Variants in ALMS1 observed in about 807,000 individuals in gnomAD.
The protein encoded by ALMS1 is ALMS1 centrosome and basal body associated protein, also known as centrosome-associated protein ALMS1.
Under a neutral mutation model 352.2 loss-of-function variants are expected in ALMS1, and 271 were observed. That is an observed-to-expected ratio of 0.77 (90% CI 0.70 to 0.85). The LOEUF (loss-of-function observed/expected upper bound fraction) is 0.85, where lower values mean the gene tolerates loss of function less well. ALMS1 is among the 40% of genes least tolerant of loss of function. ALMS1 has a pLI of 0.00. For synonymous variants in ALMS1, 1,865 were observed against 1,761.2 expected (o/e 1.06, Z -1.48); for missense variants, 5,445 against 4,870.7 (o/e 1.12, Z -3.51).
At chr2:73,543,391 T>A (rs1280446315) in intron 12 of ALMS1, among the ~76,000 whole-genome samples, 1 of 152,184 alleles carries the variant, frequency 6.6e-6, no homozygotes, top group Non-Finnish European at 1.5e-5. Context: ...ACTTACATGT[T>A]AGACCTAAAA....
chr2:73,455,565 G>A (rs571389444), intron 9 of ALMS1, among the ~76,000 whole-genome samples: 5 of 152,150 alleles, frequency 3.3e-5, no homozygotes, highest in East Asian at 3.9e-4. Context: ...CGCCCTGCTC[G>A]GCTAATTTTT....
At chr2:73,479,937 T>C (rs980301690) in intron 9 of ALMS1, among the ~76,000 whole-genome samples, 5 of 152,276 alleles carry the variant, frequency 3.3e-5, no homozygotes, top group Admixed American at 6.5e-5. Context: ...TGGTATCTTA[T>C]TAAGTTTTTA....
intron 13 of ALMS1, among the ~76,000 whole-genome samples, chr2:73,556,413 G>T (rs1674542952): frequency 6.6e-6 from 1 of 152,036 alleles, no homozygotes; most frequent in African/African-American, 2.4e-5. Flanking sequence ...GTAGAAAAGA[G>T]AAATAGTATT....
At position 73,572,649 on chromosome 2, in the gene ALMS1, C is replaced by A. The variant is rs773091397; in HGVS notation, c.10772C>A (p.Thr3591Lys). 5.0e-6 allele frequency: 8 copies of A among 1,612,926 alleles called. No individual in the cohort carries two copies. The African/African-American group carries it at 6.7e-5, about 13-fold the overall frequency. ...QRDQKVTPEQ[T>K]TQHTVSLNEL... ...GATCAGAAGGTCACCCCAGAGCAAA[C>A]AACTCAGCACACTGTGAGTTTGAAT... Residue 3591 changes from threonine to lysine, a missense_variant, in exon 16 of 23, where the codon ACA becomes AAA. Transcript: ENST00000613296.
chr2:73,567,143 T>A (rs767867122), intron 15 of ALMS1, among the ~76,000 whole-genome samples: 1 of 152,216 alleles, frequency 6.6e-6, no homozygotes, highest in African/African-American at 2.4e-5. Context: ...CTGCAGTCCC[T>A]GTCCCCTCCC....
chr2:73,486,172 G>A lies in ALMS1; in HGVS notation c.7675-3462G>A, dbSNP rs1403409323. 2.8e-4 allele frequency among the ~76,000 whole-genome samples: 43 copies of A among 151,810 alleles called. 1 individual carries two copies. Among genetic ancestry groups the A allele is most frequent in the Admixed American group, 2.8e-3 (42 of 15,232 alleles). On this transcript the variant is annotated intron_variant, in intron 9 of 22. Coordinates refer to ENST00000613296, the MANE Select transcript of ALMS1 (RefSeq NM_001378454.1). ...TGTTGTGAATTGTATATATATGTTA[G>A]TATATATGTTAGATGTAAGGCTAGC...
Position 73,386,068 on chromosome 2 carries a change from G to T in ALMS1, c.200G>T (p.Ser67Ile), listed in dbSNP as rs776932244. 6.3e-7 allele frequency: 1 copy of T among 1,594,962 alleles called. No individual in the cohort carries two copies. The highest frequency in any genetic ancestry group is 1.3e-5 in the African/African-American group (1 of 74,558). Residue 67 changes from serine to isoleucine, a missense_variant, in exon 1 of 23, where the codon AGT (serine) becomes ATT (isoleucine). Transcript: ENST00000613296. ...DSHYGPQHLE[S>I]IDDEEDEEAK... ...CACTACGGGCCCCAGCATCTGGAAA[G>T]TATAGACGACGAGGAGGACGAGGAG... is the stretch of plus-strand genomic sequence containing the variant.
At chr2:73,385,830 CT>C (rs1425490513), upstream of ALMS1, 7 of 446,500 alleles carry the variant, frequency 1.6e-5, no homozygotes, top group Admixed American at 6.1e-5. Flanking sequence ...CCCTCCCCCC[CT>C]CCTCCTCCTC....
At position 73,424,541 on chromosome 2, in the gene ALMS1, C is replaced by G; in HGVS notation, c.876C>G (p.Arg292=). Residue 292 remains arginine (R), a synonymous_variant, in exon 5 of 23, where the codon CGC becomes CGG. Coordinates refer to ENST00000613296, the MANE Select transcript of ALMS1 (RefSeq NM_001378454.1). ...TAGCTTCAGACTTAGCAAGCAGTCG[C>G]TTTAGTGTATCTCAGCACCCGCTTA... The part of the protein sequence containing the change: ...AEVASDLASS[R]FSVSQHPLIG... 6.2e-7 allele frequency: 1 copy of G among 1,613,462 alleles called. No homozygotes were observed. Among genetic ancestry groups the G allele is most frequent in the South Asian group, 1.1e-5 (1 of 90,966 alleles).
chr2:73,414,869 A>G (rs568122417), intron 2 of ALMS1, among the ~76,000 whole-genome samples: 34 of 152,222 alleles, frequency 2.2e-4, no homozygotes, highest in African/African-American at 7.2e-4. Context: ...ATAATGTTTT[A>G]ACACTTTTGA....
At chr2:73,544,740 G>C (rs1344791182) in intron 12 of ALMS1, among the ~76,000 whole-genome samples, 6 of 152,112 alleles carry the variant, frequency 3.9e-5, no homozygotes, top group Non-Finnish European at 8.8e-5. Context: ...GGATCTTCAA[G>C]AGCTATTTGT....
intron 7 of ALMS1, among the ~76,000 whole-genome samples, chr2:73,434,351 T>A (rs1036954212): frequency 2.6e-5 from 4 of 152,212 alleles, no homozygotes; most frequent in Admixed American, 2.0e-4. Flanking sequence ...GTTTACATTG[T>A]GATTTTTCTA....
chr2:73,462,283 G>C (rs1051953304), intron 9 of ALMS1, among the ~76,000 whole-genome samples: 3 of 152,196 alleles, frequency 2.0e-5, no homozygotes, highest in Non-Finnish European at 4.4e-5. Flanking sequence ...TAAGCCAGAA[G>C]AGAGTGGGGG....
At chr2:73,533,202 G>C (rs1296419026) in intron 11 of ALMS1, among the ~76,000 whole-genome samples, 2 of 152,242 alleles carry the variant, frequency 1.3e-5, no homozygotes, top group Non-Finnish European at 2.9e-5. Flanking sequence ...AGTGGTGCAA[G>C]TGCTTCCCTT....
At chr2:73,454,164 C>G in intron 8 of ALMS1, 97 bp downstream of exon 8, 2 of 1,501,840 alleles carry the variant, frequency 1.3e-6, no homozygotes, top group Non-Finnish European at 1.8e-6. Flanking sequence ...ATGAAAAATA[C>G]AAGCAAGATC....
chr2:73,546,452 C>T (rs1013619103), intron 12 of ALMS1, among the ~76,000 whole-genome samples: 1 of 152,192 alleles, frequency 6.6e-6, no homozygotes, highest in Non-Finnish European at 1.5e-5. Flanking sequence ...CACGCAGATA[C>T]ACTGTGGTAG....
intron 15 of ALMS1, among the ~76,000 whole-genome samples, chr2:73,567,268 C>G (rs1225533099): frequency 1.3e-5 from 2 of 152,344 alleles, no homozygotes; most frequent in South Asian, 2.1e-4. Flanking sequence ...TTAATGTAAA[C>G]TCAAGTGCAA....
At chr2:73,524,459 G>A (rs969030663) in intron 11 of ALMS1, among the ~76,000 whole-genome samples, 2 of 151,802 alleles carry the variant, frequency 1.3e-5, no homozygotes, top group African/African-American at 4.8e-5. Flanking sequence ...TATTTTTTAA[G>A]TATTTATTTT....
At chr2:73,592,860 G>A (rs538006984) in intron 16 of ALMS1, among the ~76,000 whole-genome samples, 1 of 152,212 alleles carries the variant, frequency 6.6e-6, no homozygotes, top group African/African-American at 2.4e-5. Context: ...TCTCTGAGAT[G>A]GTACATTTAC....
Sources: allele counts gnomAD v4.1 joint callset (sites outside exome capture counted in the v4.1 genomes callset), GRCh38; gene constraint gnomAD v4.1.1; transcripts MANE v1.5; gene names NCBI Gene and HGNC (gene_info 2026-07-23, HGNC 2026-07-21).